Variants in WWP2 observed in about 807,000 individuals in gnomAD.
The protein encoded by WWP2 is NEDD4-like E3 ubiquitin-protein ligase WWP2.
A neutral mutation model predicts 121.0 loss-of-function variants in WWP2; 57 were observed. The ratio of observed to expected loss-of-function variants is 0.47; its 90% CI spans 0.38 to 0.59. WWP2 has a LOEUF of 0.59. WWP2 is among the 20% of genes least tolerant of loss of function. The pLI is 0.00. For missense variants in WWP2, 962 were observed against 1,158.9 expected (o/e 0.83, Z 2.47); for synonymous variants, 449 against 441.3 (o/e 1.02, Z -0.22).
chr16:69,809,362 T>C (rs1394565925), intron 4 of WWP2, among the ~76,000 whole-genome samples: 10 of 152,154 alleles, frequency 6.6e-5, no homozygotes, highest in Admixed American at 6.6e-5. Flanking sequence ...GGTTTGAATC[T>C]CAGAGATGGA....
At chr16:69,902,129 A>G (rs1348754859) in intron 8 of WWP2, among the ~76,000 whole-genome samples, 1 of 152,212 alleles carries the variant, frequency 6.6e-6, no homozygotes, top group Non-Finnish European at 1.5e-5. Context: ...AACAACGGGT[A>G]ATTGAGCATT....
intron 6 of WWP2, among the ~76,000 whole-genome samples, chr16:69,844,975 G>A (rs900821881): frequency 5.3e-5 from 8 of 152,178 alleles, no homozygotes; most frequent in African/African-American, 1.9e-4. Context: ...AGGTATGAAG[G>A]TCACTGTGCA....
chr16:69,931,603 C>T (rs745788396), intron 15 of WWP2, 23 bp downstream of exon 15: 2 of 1,613,960 alleles, frequency 1.2e-6, no homozygotes, highest in Non-Finnish European at 1.7e-6. Flanking sequence ...TGCCCGAAAC[C>T]AGTGGCAGGC....
At chr16:69,917,934 G>C in intron 10 of WWP2, 51 bp downstream of exon 10, 1 of 1,535,044 alleles carries the variant, frequency 6.5e-7, no homozygotes, top group East Asian at 2.5e-5. Flanking sequence ...CTGCGCTTGC[G>C]AATGTGCAGC....
At chr16:69,853,390 G>C (rs2057253774) in intron 6 of WWP2, among the ~76,000 whole-genome samples, 1 of 152,158 alleles carries the variant, frequency 6.6e-6, no homozygotes, top group Admixed American at 6.5e-5. Context: ...GTGTGCAGGC[G>C]ATGAGGCATG....
intron 4 of WWP2, among the ~76,000 whole-genome samples, chr16:69,803,814 C>T (rs1016402240): frequency 3.9e-5 from 6 of 151,942 alleles, no homozygotes; most frequent in African/African-American, 7.3e-5. Context: ...AGTCTGAGGC[C>T]GGGGAGTCAC....
At chr16:69,922,616 G>C (rs1471480411) in intron 10 of WWP2, among the ~76,000 whole-genome samples, 1 of 152,192 alleles carries the variant, frequency 6.6e-6, no homozygotes, top group Non-Finnish European at 1.5e-5. Context: ...AGGGGAATGT[G>C]GTAGAAGAGG....
intron 8 of WWP2, among the ~76,000 whole-genome samples, chr16:69,900,670 G>A (rs530613522): frequency 2.0e-5 from 3 of 152,056 alleles, no homozygotes; most frequent in Non-Finnish European, 4.4e-5. Context: ...CTACAGGTGC[G>A]TGCCACCATG....
intron 6 of WWP2, among the ~76,000 whole-genome samples, chr16:69,861,353 C>T (rs753918144): frequency 7.2e-5 from 11 of 152,198 alleles, no homozygotes; most frequent in Non-Finnish European, 1.6e-4. Context: ...TTTACTATAC[C>T]TTCTCTCTCA....
At chr16:69,766,891 T>C (rs2038742193) in intron 1 of WWP2, among the ~76,000 whole-genome samples, 1 of 152,146 alleles carries the variant, frequency 6.6e-6, no homozygotes, top group Admixed American at 6.6e-5. Context: ...GTAGCTGGGA[T>C]TACAGGCATC....
At chr16:69,920,267 G>C (rs2058540285) in intron 10 of WWP2, among the ~76,000 whole-genome samples, 1 of 152,170 alleles carries the variant, frequency 6.6e-6, no homozygotes, top group Non-Finnish European at 1.5e-5. Flanking sequence ...AGTTGCTCCA[G>C]GGTCGACGAT....
intron 10 of WWP2, among the ~76,000 whole-genome samples, chr16:69,920,675 C>T (rs2058547638): frequency 1.3e-5 from 2 of 151,770 alleles, no homozygotes; most frequent in Non-Finnish European, 2.9e-5. Context: ...ATTCCAGCAA[C>T]TTGGAAGACT....
intron 8 of WWP2, among the ~76,000 whole-genome samples, chr16:69,891,144 G>C (rs1044028285): frequency 2.0e-5 from 3 of 152,158 alleles, no homozygotes; most frequent in African/African-American, 7.2e-5. Context: ...AGGGAGCATG[G>C]CAGGCTTTTG....
intron 7 of WWP2, among the ~76,000 whole-genome samples, chr16:69,885,407 T>C (rs1455445513): frequency 6.6e-6 from 1 of 152,250 alleles, no homozygotes; most frequent in African/African-American, 2.4e-5. Flanking sequence ...ACAACTAATT[T>C]AGCCTGTGTA....
intron 9 of WWP2, among the ~76,000 whole-genome samples, chr16:69,915,010 G>A (rs1350401514): frequency 6.6e-6 from 1 of 152,180 alleles, no homozygotes. Context: ...CCAGGAGGAG[G>A]AGAAGGGAAG....
In WWP2 at chr16:69,929,422, GTTCT is replaced by G. The variant is rs773779758; in HGVS notation, c.1235-16_1235-13del. 46 of 1,607,502 alleles carry G rather than the reference GTTCT, an allele frequency of 2.9e-5. 1 individual carries two copies. Among genetic ancestry groups the G allele is most frequent in the Non-Finnish European group, 3.9e-5 (46 of 1,174,418 alleles). On this transcript the variant is annotated intron_variant, in intron 11 of 23. Transcript: ENST00000359154. The stretch of plus-strand genomic sequence containing the variant: ...CCGGCTCTCCGTGTTTGAATCTGAT[GTTCT>G]TTCTTTCTTCTCATGTGGCAGAGAA...
chr16:69,779,159 C>A (rs1394197863), intron 1 of WWP2, among the ~76,000 whole-genome samples: 1 of 152,176 alleles, frequency 6.6e-6, no homozygotes, highest in African/African-American at 2.4e-5. Context: ...CCATGTTGGC[C>A]AGGCTGGTCT....
At chr16:69,798,899 T>G in intron 3 of WWP2, 70 bp downstream of exon 3, 1 of 1,581,122 alleles carries the variant, frequency 6.3e-7, no homozygotes, top group Non-Finnish European at 8.6e-7. Context: ...GAGGGGGTTG[T>G]GGGAGGTACA....
chr16:69,797,107 G>A (rs1044170805), intron 2 of WWP2, among the ~76,000 whole-genome samples: 11 of 152,174 alleles, frequency 7.2e-5, no homozygotes, highest in Admixed American at 5.2e-4. Context: ...GCGACCTGGC[G>A]TTTCCACCAG....
Sources: gnomAD v4.1 joint callset for allele counts (sites outside exome capture counted in the v4.1 genomes callset) on GRCh38, gnomAD v4.1.1 for gene constraint, MANE v1.5 for transcripts, NCBI Gene and HGNC (gene_info 2026-07-23, HGNC 2026-07-21) for gene names.